The following PRKG1 variants were observed in gnomAD, a reference collection of about 807,000 sequenced individuals.
PRKG1 encodes the protein cGMP-dependent protein kinase 1.
In PRKG1, 35 loss-of-function variants were observed where a neutral mutation model predicts 88.1. That is an observed-to-expected ratio of 0.40 (90% CI 0.30 to 0.53). The LOEUF (loss-of-function observed/expected upper bound fraction) is 0.53. Ranked by LOEUF, PRKG1 falls within the 20% of genes least tolerant of loss-of-function variation. The pLI is 0.59. For missense variants in PRKG1, 540 were observed against 839.8 expected (o/e 0.64, Z 4.41); for synonymous variants, 303 against 292.5 (o/e 1.04, Z -0.37).
At chr10:51,012,717 G>A (rs4935212) in intron 1 of PRKG1, among the ~76,000 whole-genome samples, 134,682 of 152,282 alleles carry the variant, frequency 0.88, 59,701 homozygotes, top group East Asian at 0.94. Context: ...TCTAGTAATA[G>A]AGACAAACAA....
chr10:51,018,176 A>T (rs1843093223), intron 1 of PRKG1, among the ~76,000 whole-genome samples: 1 of 152,094 alleles, frequency 6.6e-6, no homozygotes, highest in African/African-American at 2.4e-5. Context: ...ATTCTAGGAG[A>T]TACCTTTTCC....
At position 51,545,545 on chromosome 10, in the gene PRKG1, A is replaced by T. The variant is rs138567411; in HGVS notation, c.592+77709A>T. Among the ~76,000 whole-genome samples the T allele has an allele frequency of 3.6e-3, 541 of 152,256 alleles. 6 individuals carry two copies. The highest frequency in any genetic ancestry group is 0.012 in the African/African-American group (508 of 41,570). On this transcript the variant is annotated intron_variant, in intron 3 of 17. Coordinates refer to ENST00000373980, the MANE Select transcript of PRKG1 (RefSeq NM_006258.4). Reference sequence around the variant, plus strand: ...GACAATTTCTATCTCTTAGAGAAGTAGGGACAACAAGCTTAAAAATAACTT... The same window carrying T: ...GACAATTTCTATCTCTTAGAGAAGTTGGGACAACAAGCTTAAAAATAACTT...
intron 17 of PRKG1, among the ~76,000 whole-genome samples, chr10:52,291,013 C>G (rs1393338491): frequency 1.3e-5 from 2 of 149,766 alleles, no homozygotes; most frequent in Non-Finnish European, 3.0e-5. Context: ...ACCCCTGCAT[C>G]CCAGGTTCAA....
chr10:51,677,837 C>G (rs1440846414), intron 3 of PRKG1, among the ~76,000 whole-genome samples: 4 of 152,068 alleles, frequency 2.6e-5, no homozygotes, highest in African/African-American at 9.7e-5. Flanking sequence ...CCCTGGTTTG[C>G]GCATCAGAAG....
chr10:51,912,562 T>C (rs1277700103), intron 5 of PRKG1, among the ~76,000 whole-genome samples: 1 of 151,990 alleles, frequency 6.6e-6, no homozygotes, highest in Non-Finnish European at 1.5e-5. Flanking sequence ...GAGAAAACAA[T>C]TTAAAAGTAA....
At chr10:51,599,625 G>A (rs1245937802) in intron 3 of PRKG1, among the ~76,000 whole-genome samples, 4 of 151,992 alleles carry the variant, frequency 2.6e-5, no homozygotes, top group Admixed American at 6.6e-5. Flanking sequence ...AAAATGTTTT[G>A]TTCTAATGGA....
chr10:51,173,781 AT>A (rs898733551), intron 2 of PRKG1, among the ~76,000 whole-genome samples: 22 of 151,984 alleles, frequency 1.4e-4, no homozygotes, highest in Admixed American at 4.6e-4. Flanking sequence ...AGCTAAAAAA[AT>A]AATCAAATTT....
chr10:51,552,522 C>A (rs994301207), intron 3 of PRKG1, among the ~76,000 whole-genome samples: 2 of 151,492 alleles, frequency 1.3e-5, no homozygotes, highest in African/African-American at 4.8e-5. Flanking sequence ...ATCCAGATAA[C>A]CATAGTTACC....
intron 5 of PRKG1, among the ~76,000 whole-genome samples, chr10:51,958,583 A>ATTT (rs201531189): frequency 4.0e-5 from 4 of 99,740 alleles, no homozygotes; most frequent in Admixed American, 2.1e-4. Context: ...TCTACAGAGT[A>ATTT]TTTTTTTTTT....
intron 3 of PRKG1, among the ~76,000 whole-genome samples, chr10:51,557,451 T>G (rs1221163084): frequency 6.6e-6 from 1 of 151,914 alleles, no homozygotes; most frequent in African/African-American, 2.4e-5. Flanking sequence ...GGCTGAAGCT[T>G]TATCCATTCC....
intron 2 of PRKG1, among the ~76,000 whole-genome samples, chr10:51,304,607 A>G (rs1198414023): frequency 1.4e-5 from 2 of 147,210 alleles, no homozygotes; most frequent in Non-Finnish European, 3.0e-5. Context: ...AGCATTAGGT[A>G]TATCTCCTAA....
At chr10:52,067,921 G>GACTTGAAACCATATGGAATAC (rs1589575435) in intron 7 of PRKG1, among the ~76,000 whole-genome samples, 3 of 147,360 alleles carry the variant, frequency 2.0e-5, no homozygotes, top group Non-Finnish European at 3.1e-5. Context: ...ATCCCTACTT[G>GACTTGAAACCATATGGAATAC]AGGCCGGGCG....
intron 1 of PRKG1, among the ~76,000 whole-genome samples, chr10:51,133,259 T>C (rs1473824782): frequency 6.6e-6 from 1 of 152,208 alleles, no homozygotes; most frequent in Non-Finnish European, 1.5e-5. Flanking sequence ...ATGCCAATTG[T>C]AGCAGCTAGT....
At chr10:51,929,454 G>T (rs573523084) in intron 5 of PRKG1, among the ~76,000 whole-genome samples, 1 of 149,552 alleles carries the variant, frequency 6.7e-6, no homozygotes, top group Non-Finnish European at 1.5e-5. Context: ...GGATTCAAGC[G>T]ATTCTCCCAC....
chr10:51,947,195 C>G (rs11000245), intron 5 of PRKG1, among the ~76,000 whole-genome samples: 9,636 of 151,972 alleles, frequency 0.063, 955 homozygotes, highest in African/African-American at 0.21. Context: ...GCCTCGCTGC[C>G]GCCTTGCAGT....
chr10:51,570,697 A>T (rs1283924568), intron 3 of PRKG1, among the ~76,000 whole-genome samples: 1 of 110,718 alleles, frequency 9.0e-6, no homozygotes, highest in Non-Finnish European at 1.9e-5. Context: ...AGAATTTTTG[A>T]AAAAAAAAAT....
intron 2 of PRKG1, among the ~76,000 whole-genome samples, chr10:51,207,246 GA>G (rs1381984814): frequency 6.6e-6 from 1 of 152,080 alleles, no homozygotes; most frequent in Non-Finnish European, 1.5e-5. Flanking sequence ...TTCTTAAAAG[GA>G]AAAAAATTAT....
chr10:52,082,719 T>G (rs1015863147), intron 7 of PRKG1, among the ~76,000 whole-genome samples: 1 of 152,166 alleles, frequency 6.6e-6, no homozygotes, highest in African/African-American at 2.4e-5. Context: ...TTTCATATTT[T>G]GCCTGCCCAT....
At chr10:51,893,311 G>A (rs564544927) in intron 4 of PRKG1, among the ~76,000 whole-genome samples, 1 of 151,950 alleles carries the variant, frequency 6.6e-6, no homozygotes, top group Admixed American at 6.6e-5. Flanking sequence ...TATTCCTGTG[G>A]TTCCTGAAAA....
Sources: gnomAD v4.1 joint callset for allele counts (sites outside exome capture counted in the v4.1 genomes callset) on GRCh38, gnomAD v4.1.1 for gene constraint, MANE v1.5 for transcripts, NCBI Gene and HGNC (gene_info 2026-07-23, HGNC 2026-07-21) for gene names.